The following SORCS2 variants were observed in gnomAD, a reference collection of about 807,000 sequenced individuals.
SORCS2 encodes the protein sortilin related VPS10 domain containing receptor 2.
Under a neutral mutation model 141.6 loss-of-function variants are expected in SORCS2, and 100 were observed. That is an observed-to-expected ratio of 0.71 (90% CI 0.60 to 0.83). The LOEUF is 0.83. Ranked by LOEUF, SORCS2 falls within the 40% of genes least tolerant of loss-of-function variation. The pLI is 0.00. For missense variants in SORCS2, 1,646 were observed against 1,560.2 expected (o/e 1.05, Z -0.93); for synonymous variants, 789 against 676.9 (o/e 1.17, Z -2.57).
intron 1 of SORCS2, among the ~76,000 whole-genome samples, chr4:7,360,085 C>T (rs1260225105): frequency 3.9e-5 from 6 of 152,122 alleles, no homozygotes; most frequent in Admixed American, 2.6e-4. Flanking sequence ...ATTGTTTTAA[C>T]GAAGGCCCCT....
At chr4:7,276,475 C>G (rs1715510020) in intron 1 of SORCS2, among the ~76,000 whole-genome samples, 1 of 152,206 alleles carries the variant, frequency 6.6e-6, no homozygotes. Context: ...CCCAAGCCAT[C>G]TCTTCCTGGC....
At chr4:7,703,217 C>A in intron 12 of SORCS2, 63 bp from the exon 13 acceptor site, 2 of 1,378,706 alleles carry the variant, frequency 1.5e-6, no homozygotes, top group East Asian at 2.5e-5. Context: ...AGGAGCCGCT[C>A]AGCCTGGAAC....
intron 1 of SORCS2, among the ~76,000 whole-genome samples, chr4:7,395,246 C>T (rs1228875579): frequency 3.3e-5 from 5 of 152,342 alleles, no homozygotes; most frequent in East Asian, 1.9e-4. Flanking sequence ...TCTGTGGAAA[C>T]GGCACCTTAG....
chr4:7,421,943 C>T (rs995052180), intron 2 of SORCS2, among the ~76,000 whole-genome samples: 39 of 148,530 alleles, frequency 2.6e-4, no homozygotes, highest in African/African-American at 8.7e-4. Flanking sequence ...CTCCCTCCCC[C>T]ATGGTCGACC....
chr4:7,505,422 C>T (rs775377902), intron 2 of SORCS2, among the ~76,000 whole-genome samples: 3 of 152,038 alleles, frequency 2.0e-5, no homozygotes, highest in Non-Finnish European at 4.4e-5. Context: ...CCTCAGTCCC[C>T]GCATCAGGAG....
intron 2 of SORCS2, among the ~76,000 whole-genome samples, chr4:7,516,618 T>G (rs1335494781): frequency 6.6e-6 from 1 of 152,136 alleles, no homozygotes; most frequent in Non-Finnish European, 1.5e-5. Context: ...CCCTGGCCTT[T>G]TTATGCAGGA....
chr4:7,533,014 T>C (rs1577707807), intron 3 of SORCS2, among the ~76,000 whole-genome samples: 1 of 152,090 alleles, frequency 6.6e-6, no homozygotes, highest in East Asian at 1.9e-4. Context: ...CAGCCCCTGC[T>C]TCTTCCCAGC....
At chr4:7,377,643 G>T (rs896039348) in intron 1 of SORCS2, among the ~76,000 whole-genome samples, 14 of 152,308 alleles carry the variant, frequency 9.2e-5, no homozygotes, top group Admixed American at 5.2e-4. Context: ...ATGTGATGGC[G>T]GCAGGGCTCT....
chr4:7,202,940 C>T (rs1044423733), intron 1 of SORCS2, among the ~76,000 whole-genome samples: 9 of 151,794 alleles, frequency 5.9e-5, no homozygotes, highest in Non-Finnish European at 1.2e-4. Context: ...CCGGATGCTG[C>T]GTCAGGCACG....
chr4:7,587,764 T>G lies in SORCS2; in HGVS notation c.649-50564T>G, dbSNP rs76089880. Among the ~76,000 whole-genome samples, 21 of 152,276 alleles carry G rather than the reference T, an allele frequency of 1.4e-4. No individual in the cohort carries two copies. The East Asian group carries it at 4.1e-3, about 29-fold the overall frequency. ...TGTAAACTGGCCCGTCAGGGACTGT[T>G]TGCCCCCTCTTTCCAGCTGCAGGGC... On this transcript the variant is annotated intron_variant, in intron 3 of 26. Coordinates refer to ENST00000507866, the MANE Select transcript of SORCS2 (RefSeq NM_020777.3).
intron 2 of SORCS2, among the ~76,000 whole-genome samples, chr4:7,505,233 G>A (rs1220162749): frequency 1.3e-5 from 2 of 152,330 alleles, no homozygotes; most frequent in South Asian, 2.1e-4. Context: ...CTTCGTGATG[G>A]GAAAGGGGTG....
chr4:7,480,403 A>G (rs541024834), intron 2 of SORCS2, among the ~76,000 whole-genome samples: 368 of 152,306 alleles, frequency 2.4e-3, no homozygotes, highest in African/African-American at 8.5e-3. Flanking sequence ...TGGTACCCAC[A>G]GAGCCAGCAC....
intron 3 of SORCS2, among the ~76,000 whole-genome samples, chr4:7,564,133 A>G (rs1030548453): frequency 6.6e-6 from 1 of 152,134 alleles, no homozygotes; most frequent in Non-Finnish European, 1.5e-5. Context: ...CTTCACTGAG[A>G]GAGGTTGGCT....
chr4:7,562,130 C>T (rs1714634934), intron 3 of SORCS2, among the ~76,000 whole-genome samples: 3 of 152,272 alleles, frequency 2.0e-5, no homozygotes, highest in East Asian at 3.9e-4. Flanking sequence ...TTGAACTTCT[C>T]GATTGATTAT....
intron 1 of SORCS2, among the ~76,000 whole-genome samples, chr4:7,215,033 TGAG>T (rs999005336): frequency 1.5e-4 from 23 of 152,184 alleles, no homozygotes; most frequent in African/African-American, 5.1e-4. Context: ...TGGCGGCACT[TGAG>T]GAGCCCTTCA....
intron 23 of SORCS2, among the ~76,000 whole-genome samples, chr4:7,730,985 A>G (rs936459271): frequency 6.6e-6 from 1 of 152,254 alleles, no homozygotes; most frequent in Non-Finnish European, 1.5e-5. Context: ...CAGGGGAAGG[A>G]CAGTGCACAC....
intron 8 of SORCS2, among the ~76,000 whole-genome samples, chr4:7,671,633 A>C (rs528261915): frequency 3.3e-5 from 5 of 152,214 alleles, no homozygotes; most frequent in Non-Finnish European, 7.3e-5. Context: ...GAGAACTTAA[A>C]GATAAGACAA....
intron 1 of SORCS2, among the ~76,000 whole-genome samples, chr4:7,373,478 ATT>A (rs71173496): frequency 8.1e-5 from 3 of 36,816 alleles, no homozygotes; most frequent in South Asian, 1.3e-3. Flanking sequence ...ATATATATAT[ATT>A]TTTTTTTTTT....
intron 2 of SORCS2, among the ~76,000 whole-genome samples, chr4:7,508,350 CTTTTTTTTT>C (rs35443053): frequency 1.4e-5 from 1 of 69,758 alleles, no homozygotes; most frequent in African/African-American, 4.7e-5. Context: ...AGATCTCAGG[CTTTTTTTTT>C]TTTTTTTTTT....
Sources: allele counts gnomAD v4.1 joint callset (sites outside exome capture counted in the v4.1 genomes callset), GRCh38; gene constraint gnomAD v4.1.1; transcripts MANE v1.5; gene names NCBI Gene and HGNC (gene_info 2026-07-23, HGNC 2026-07-21).